Variants in PDE4D observed in about 807,000 individuals in gnomAD.
PDE4D encodes 3',5'-cyclic-AMP phosphodiesterase 4D.
PDE4D carries 24 observed loss-of-function variants against 87.4 expected under a neutral mutation model. The ratio of observed to expected loss-of-function variants is 0.27; its 90% confidence interval spans 0.20 to 0.39. The LOEUF (loss-of-function observed/expected upper bound fraction) is 0.39, where lower values mean the gene tolerates loss of function less well. Ranked by LOEUF, PDE4D falls within the 10% of genes least tolerant of loss-of-function variation. The pLI is 1.00. For synonymous variants in PDE4D, 384 were observed against 383.2 expected (o/e 1.00, Z -0.02); for missense variants, 714 against 1,041.0 (o/e 0.69, Z 4.32).
intron 2 of PDE4D, among the ~76,000 whole-genome samples, chr5:60,183,690 T>C (rs1037332778): frequency 4.6e-5 from 7 of 152,208 alleles, no homozygotes; most frequent in African/African-American, 1.2e-4. Context: ...AAGATAAACA[T>C]CCTCAGATTC....
chr5:59,168,221 G>A (rs1782193177), intron 5 of PDE4D, among the ~76,000 whole-genome samples: 1 of 152,162 alleles, frequency 6.6e-6, no homozygotes, highest in South Asian at 2.1e-4. Context: ...GCTAAGAGAT[G>A]ATAATGGCAT....
chr5:60,324,894 G>A (rs1756640380), intron 1 of PDE4D, among the ~76,000 whole-genome samples: 1 of 152,150 alleles, frequency 6.6e-6, no homozygotes, highest in African/African-American at 2.4e-5. Flanking sequence ...ATAGCTCTCA[G>A]AAAAATATGA....
chr5:60,194,933 C>T (rs571999403), intron 1 of PDE4D, among the ~76,000 whole-genome samples: 1 of 151,604 alleles, frequency 6.6e-6, no homozygotes, highest in Non-Finnish European at 1.5e-5. Flanking sequence ...TAGGAGTCCC[C>T]CTGTCTGCTG....
At chr5:59,273,437 A>G (rs1010230022) in intron 1 of PDE4D, among the ~76,000 whole-genome samples, 13 of 152,130 alleles carry the variant, frequency 8.5e-5, no homozygotes, top group African/African-American at 3.1e-4. Flanking sequence ...AAATAAATAA[A>G]TATAATAGAT....
intron 1 of PDE4D, among the ~76,000 whole-genome samples, chr5:59,302,090 A>C (rs1192965435): frequency 6.6e-6 from 1 of 152,190 alleles, no homozygotes; most frequent in Non-Finnish European, 1.5e-5. Context: ...GCACTAGACC[A>C]GTAACGAAAA....
intron 2 of PDE4D, among the ~76,000 whole-genome samples, chr5:59,196,957 G>A (rs1408316009): frequency 6.6e-6 from 1 of 152,080 alleles, no homozygotes; most frequent in Non-Finnish European, 1.5e-5. Context: ...TTGTAAAATG[G>A]ATGAGAGGCA....
At chr5:60,385,182 G>T (rs901464165) in intron 1 of PDE4D, among the ~76,000 whole-genome samples, 1 of 152,172 alleles carries the variant, frequency 6.6e-6, no homozygotes, top group Non-Finnish European at 1.5e-5. Context: ...ATTTAAGCAT[G>T]AGTAGTTTTT....
chr5:59,950,100 T>A (rs772973338), intron 3 of PDE4D, among the ~76,000 whole-genome samples: 1 of 152,204 alleles, frequency 6.6e-6, no homozygotes, highest in Admixed American at 6.5e-5. Context: ...CTAAATGTTA[T>A]TTTTATTAAG....
intron 2 of PDE4D, among the ~76,000 whole-genome samples, chr5:60,062,625 T>C (rs1698425680): frequency 6.6e-6 from 1 of 152,276 alleles, no homozygotes; most frequent in African/African-American, 2.4e-5. Context: ...TGTATGTTTA[T>C]TGCAGCATTA....
chr5:59,975,363 C>T (rs1326729003), intron 3 of PDE4D, among the ~76,000 whole-genome samples: 4 of 152,208 alleles, frequency 2.6e-5, no homozygotes, highest in African/African-American at 9.6e-5. Context: ...ACCTCTAGCA[C>T]TTACATCTTA....
rs191541533 is a variant in PDE4D at position 59,324,938 on chromosome 5, T to C, written c.456-108970A>G. Among the ~76,000 whole-genome samples the C allele has an allele frequency of 2.6e-4, 40 of 152,284 alleles. 1 individual carries two copies. The Middle Eastern group carries it at 0.038, about 143-fold the overall frequency. On this transcript the variant is annotated intron_variant, in intron 1 of 14. Transcript: ENST00000340635. ...AAACATCTTAGAAGGCTGCATGGCA[T>C]CATGGTAATTAATAGGGAAAACTTT...
At chr5:59,651,069 C>G (rs948899561) in intron 1 of PDE4D, among the ~76,000 whole-genome samples, 1 of 151,854 alleles carries the variant, frequency 6.6e-6, no homozygotes, top group Admixed American at 6.6e-5. Context: ...TCCTGGCCAA[C>G]ATAGTGAAAC....
Position 60,074,472 on chromosome 5 carries a change from A to C in PDE4D, c.43-85755T>G, listed in dbSNP as rs1176414656. ...TGTGTGCCATTTGGTGATGAGAAGA[A>C]TACATATTCTCTTGTTTTTGGGTGG... On this transcript the variant is annotated intron_variant, in intron 2 of 16. Transcript: ENST00000502484. 1.6e-4 allele frequency among the ~76,000 whole-genome samples: 24 copies of C among 152,150 alleles called. 1 individual carries two copies. Among genetic ancestry groups the C allele is most frequent in the Admixed American group, 1.5e-3 (23 of 15,268 alleles).
rs184981217 is a variant in PDE4D, at chr5:59,009,507, T to C, written c.922-16042A>G. 6.1e-4 allele frequency among the ~76,000 whole-genome samples: 93 copies of C among 152,266 alleles called. 2 individuals are homozygous for C. The South Asian group carries it at 0.014, about 22-fold the overall frequency. ...AAAGTATTGTAAGTGAAAGAAGCCA[T>C]TCACAAAAGGCTATATCTTTAATGT... is the stretch of plus-strand genomic sequence containing the variant. On this transcript the variant is annotated intron_variant, in intron 6 of 14. Transcript: ENST00000340635.
chr5:59,689,248 C>T (rs1032552834), intron 1 of PDE4D, among the ~76,000 whole-genome samples: 1 of 152,142 alleles, frequency 6.6e-6, no homozygotes, highest in Non-Finnish European at 1.5e-5. Flanking sequence ...GATACCAAAG[C>T]CTGGCAGAGA....
At chr5:60,021,923 G>A (rs1159578434) in intron 2 of PDE4D, 1 of 152,068 alleles carries the variant, frequency 6.6e-6, no homozygotes, top group Non-Finnish European at 1.5e-5. Flanking sequence ...ACATTGTGTA[G>A]GCTAATCTCA....
At chr5:59,071,155 G>A (rs1387521115) in intron 5 of PDE4D, among the ~76,000 whole-genome samples, 2 of 152,068 alleles carry the variant, frequency 1.3e-5, no homozygotes, top group Non-Finnish European at 2.9e-5. Context: ...TCTTTTCTAG[G>A]TTTCAAAACG....
In PDE4D at chr5:60,509,284, G is replaced by A. The variant is rs567927437; in HGVS notation, n.70+12767C>T. Among the ~76,000 whole-genome samples, 4 of 152,280 alleles carry A rather than the reference G, an allele frequency of 2.6e-5. No homozygotes were observed. In the East Asian group the frequency reaches 7.7e-4, roughly 29 times the overall value. On this transcript the variant is annotated intron_variant and non_coding_transcript_variant, in intron 1 of 2. Transcript: ENST00000506510. Reference sequence around the variant, plus strand: ...ACAGCATTAAACGTATCATGGAAAGGACCCTCGCTTACAGCATGAGGGCTG... The same window carrying A: ...ACAGCATTAAACGTATCATGGAAAGAACCCTCGCTTACAGCATGAGGGCTG...
intron 1 of PDE4D, among the ~76,000 whole-genome samples, chr5:60,327,783 A>G (rs1429744761): frequency 1.3e-5 from 2 of 152,240 alleles, no homozygotes; most frequent in African/African-American, 4.8e-5. Flanking sequence ...TACAGCAATG[A>G]AAATGAAACA....
Sources: gnomAD v4.1 joint callset for allele counts (sites outside exome capture counted in the v4.1 genomes callset) on GRCh38, gnomAD v4.1.1 for gene constraint, MANE v1.5 for transcripts, NCBI Gene and HGNC (gene_info 2026-07-23, HGNC 2026-07-21) for gene names.